TSPAN18: variants seen among roughly 807,000 people sequenced by gnomAD.
The protein encoded by TSPAN18 is tetraspanin 18.
In TSPAN18, 14 loss-of-function variants were observed where a neutral mutation model predicts 27.3. The ratio of observed to expected loss-of-function variants is 0.51; its 90% CI spans 0.34 to 0.80. TSPAN18 has a LOEUF of 0.80. TSPAN18 is among the 30% of genes least tolerant of loss of function. The probability of loss-of-function intolerance (pLI) is 0.01; values close to 1 mark genes in which losing one functional copy is unlikely to be tolerated. For missense variants in TSPAN18, 268 were observed against 323.9 expected (o/e 0.83, Z 1.32); for synonymous variants, 143 against 136.5 (o/e 1.05, Z -0.33).
chr11:44,759,846 A>G (rs898929313), intron 1 of TSPAN18, among the ~76,000 whole-genome samples: 1 of 152,206 alleles, frequency 6.6e-6, no homozygotes, highest in African/African-American at 2.4e-5. Flanking sequence ...AAAATATACT[A>G]TTACCTATAC....
chr11:44,916,489 A>G (rs894423856), intron 5 of TSPAN18, among the ~76,000 whole-genome samples: 4 of 152,140 alleles, frequency 2.6e-5, no homozygotes, highest in African/African-American at 9.7e-5. Context: ...TGAGAGCCCA[A>G]TGCCAAGCTC....
chr11:44,846,708 T>A (rs1014421172), intron 2 of TSPAN18, among the ~76,000 whole-genome samples: 1 of 152,120 alleles, frequency 6.6e-6, no homozygotes, highest in African/African-American at 2.4e-5. Context: ...AACTGTGAAC[T>A]AAGATAGGTT....
chr11:44,896,085 C>T (rs1488518442), intron 3 of TSPAN18, among the ~76,000 whole-genome samples: 1 of 152,144 alleles, frequency 6.6e-6, no homozygotes, highest in Admixed American at 6.5e-5. Flanking sequence ...ACTCAATGTA[C>T]ATCTACTCAG....
At chr11:44,752,396 T>C (rs1855231697) in intron 1 of TSPAN18, among the ~76,000 whole-genome samples, 1 of 152,196 alleles carries the variant, frequency 6.6e-6, no homozygotes, top group South Asian at 2.1e-4. Flanking sequence ...TTTCTTTTTT[T>C]TTTGACACAG....
At chr11:44,742,393 C>A (rs993097863) in intron 1 of TSPAN18, among the ~76,000 whole-genome samples, 1 of 142,934 alleles carries the variant, frequency 7.0e-6, no homozygotes, top group Non-Finnish European at 1.5e-5. Context: ...TTTTTCTTTT[C>A]TTCGTTCCTT....
chr11:44,890,968 C>T (rs1001426512), intron 3 of TSPAN18, among the ~76,000 whole-genome samples: 1 of 152,034 alleles, frequency 6.6e-6, no homozygotes, highest in East Asian at 1.9e-4. Context: ...CCCCAGAGTT[C>T]GAGACCAGTC....
At chr11:44,892,369 C>T (rs564123890) in intron 3 of TSPAN18, among the ~76,000 whole-genome samples, 2 of 152,326 alleles carry the variant, frequency 1.3e-5, no homozygotes, top group Non-Finnish European at 2.9e-5. Flanking sequence ...GTTGCTTGGC[C>T]TGCTTCAACT....
intron 2 of TSPAN18, among the ~76,000 whole-genome samples, chr11:44,798,161 C>T (rs1481479762): frequency 6.6e-6 from 1 of 152,176 alleles, no homozygotes; most frequent in Non-Finnish European, 1.5e-5. Flanking sequence ...CCGTGCCCTC[C>T]CACACTCAGC....
chr11:44,838,621 T>G (rs1264157017), intron 2 of TSPAN18, among the ~76,000 whole-genome samples: 1 of 151,482 alleles, frequency 6.6e-6, no homozygotes, highest in Non-Finnish European at 1.5e-5. Flanking sequence ...AGAAGAGGAG[T>G]GTGGGAGTGA....
chr11:44,841,669 C>T lies in TSPAN18; in HGVS notation c.-152-18659C>T, dbSNP rs567086649. On this transcript the variant is annotated intron_variant, in intron 2 of 9. Transcript: ENST00000520358. Reference sequence around the variant, plus strand: ...GCCCTAAAGCAGGTGAAGCTGACCACGCAGAGCTAGGAAGAGGAGGGTTCC... The same window carrying T: ...GCCCTAAAGCAGGTGAAGCTGACCATGCAGAGCTAGGAAGAGGAGGGTTCC... Among the ~76,000 whole-genome samples, 8 of 152,226 alleles carry T rather than the reference C, an allele frequency of 5.3e-5. No homozygotes were observed. The South Asian group carries it at 8.3e-4, about 16-fold the overall frequency.
chr11:44,868,074 G>T (rs983662589), intron 3 of TSPAN18, among the ~76,000 whole-genome samples: 1 of 152,154 alleles, frequency 6.6e-6, no homozygotes, highest in African/African-American at 2.4e-5. Context: ...GCTTCTGAGG[G>T]CAGGGTTGGG....
intron 2 of TSPAN18, among the ~76,000 whole-genome samples, chr11:44,821,549 A>T (rs187922207): frequency 1.6e-3 from 248 of 152,270 alleles, no homozygotes; most frequent in Non-Finnish European, 2.9e-3. Flanking sequence ...TTTTTCTCAG[A>T]TAATTTCTCT....
At chr11:44,781,680 T>C (rs939176946) in intron 2 of TSPAN18, among the ~76,000 whole-genome samples, 8 of 152,200 alleles carry the variant, frequency 5.3e-5, no homozygotes, top group African/African-American at 1.7e-4. Context: ...ACCCAGCAAC[T>C]TTTTTCCTTT....
chr11:44,739,474 A>G (rs1249259631), intron 1 of TSPAN18, among the ~76,000 whole-genome samples: 1 of 152,126 alleles, frequency 6.6e-6, no homozygotes, highest in Non-Finnish European at 1.5e-5. Flanking sequence ...AATAGAAAAA[A>G]TTAGCCGAGT....
Position 44,831,037 on chromosome 11 carries a change from T to C in TSPAN18, c.-152-29291T>C, listed in dbSNP as rs557190586. On this transcript the variant is annotated intron_variant, in intron 2 of 9. Coordinates refer to ENST00000520358, the MANE Select transcript of TSPAN18 (RefSeq NM_130783.5). Reference sequence around the variant, plus strand: ...CTGAGGCAGGAGAATTGCTTGAACCTAGGAGGTGGAAGTTGCAGTGAGCTG... The same window carrying C: ...CTGAGGCAGGAGAATTGCTTGAACCCAGGAGGTGGAAGTTGCAGTGAGCTG... Among the ~76,000 whole-genome samples, 627 of 152,130 alleles carry C rather than the reference T, an allele frequency of 4.1e-3. 4 individuals carry two copies. The highest frequency in any genetic ancestry group is 7.7e-3 in the Non-Finnish European group (526 of 67,930).
chr11:44,929,281 G>A lies in TSPAN18; in HGVS notation c.*103G>A, dbSNP rs138934092. The A allele has an allele frequency of 1.7e-5, 24 of 1,450,206 alleles. No individual in the cohort carries two copies. Among genetic ancestry groups the A allele is most frequent in the Non-Finnish European group, 2.3e-5 (24 of 1,043,986 alleles). 89.8% of individuals were successfully genotyped at this position (1,450,206 alleles called of 1,614,324 possible). A position where few individuals can be genotyped will look rare whatever the true frequency, so the allele number is the denominator to read the frequency against. Reference sequence around the variant, plus strand: ...CTGTCCTCTTGGCCCCAGGGGAGAAGATGAGGCCATCAGAGATGGCCAGGA... The same window carrying A: ...CTGTCCTCTTGGCCCCAGGGGAGAAAATGAGGCCATCAGAGATGGCCAGGA... On this transcript the variant is annotated 3_prime_UTR_variant, in exon 10 of 10. Coordinates refer to ENST00000520358, the MANE Select transcript of TSPAN18 (RefSeq NM_130783.5).
intron 2 of TSPAN18, among the ~76,000 whole-genome samples, chr11:44,776,158 G>T (rs890769818): frequency 2.6e-5 from 4 of 152,214 alleles, no homozygotes; most frequent in Non-Finnish European, 4.4e-5. Flanking sequence ...GTGCTCTGCA[G>T]TGGCCTTCAC....
rs1859531586 is a variant in TSPAN18, at chr11:44,908,286, CG to C, written c.64-1418del. On this transcript the variant is annotated intron_variant, in intron 4 of 9. Coordinates refer to ENST00000520358, the MANE Select transcript of TSPAN18 (RefSeq NM_130783.5). ...AGCCAAAGCCCAGCAGTTTTCCTGT[CG>C]CCCAGCTGTCAACCCTCACACAGGC... Among the ~76,000 whole-genome samples the C allele has an allele frequency of 3.3e-5, 5 of 152,244 alleles. No individual in the cohort carries two copies. The South Asian group carries it at 1.0e-3, about 32-fold the overall frequency.
chr11:44,906,508 C>T, intron 4 of TSPAN18, 29 bp downstream of exon 4: 1 of 1,583,202 alleles, frequency 6.3e-7, no homozygotes, highest in East Asian at 2.2e-5. Flanking sequence ...TCCCAGGCCT[C>T]TGCTGGGTGG....
Sources: allele counts gnomAD v4.1 joint callset (sites outside exome capture counted in the v4.1 genomes callset), GRCh38; gene constraint gnomAD v4.1.1; transcripts MANE v1.5; gene names NCBI Gene and HGNC (gene_info 2026-07-23, HGNC 2026-07-21).